Variants in GRIP1 observed in about 807,000 individuals in gnomAD.
GRIP1 encodes the protein glutamate receptor-interacting protein 1.
GRIP1 carries 45 observed loss-of-function variants against 129.9 expected under a neutral mutation model. The observed-to-expected ratio is 0.35, with a 90% CI of 0.27 to 0.44. GRIP1 has a LOEUF of 0.44. Among genes scored for constraint, GRIP1 ranks in the 20% least tolerant of loss-of-function variants. The pLI, the probability that GRIP1 is intolerant of heterozygous loss-of-function variation, is 1.00. For missense variants in GRIP1, 1,196 were observed against 1,396.8 expected, an observed-to-expected ratio of 0.86 and a Z score of 2.29; for synonymous variants, 530 against 520.8, an observed-to-expected ratio of 1.02 and a Z score of -0.24.
Position 66,963,146 on chromosome 12 carries a change from C to A in GRIP1, c.58+105904G>T, listed in dbSNP as rs567441014. Reference sequence around the variant, plus strand: ...GCAACATGGTGGGACCCCACCTCCACAAACAAACAAAAAAAAACATTAGCC... The same window carrying A: ...GCAACATGGTGGGACCCCACCTCCAAAAACAAACAAAAAAAAACATTAGCC... On this transcript the variant is annotated intron_variant, in intron 1 of 1. Transcript: ENST00000643019. Among the ~76,000 whole-genome samples the A allele has an allele frequency of 4.6e-5, 7 of 151,674 alleles. No homozygotes were observed. In the South Asian group the frequency reaches 1.0e-3, roughly 23 times the overall value.
intron 1 of GRIP1, among the ~76,000 whole-genome samples, chr12:66,893,588 T>C (rs1031186458): frequency 1.3e-5 from 2 of 152,206 alleles, no homozygotes; most frequent in Non-Finnish European, 2.9e-5. Flanking sequence ...AAAGTTTGTT[T>C]TTCCATTTAC....
chr12:66,656,392 T>G (rs1458484153), intron 1 of GRIP1, among the ~76,000 whole-genome samples: 1 of 152,102 alleles, frequency 6.6e-6, no homozygotes, highest in African/African-American at 2.4e-5. Context: ...TCTAAATATC[T>G]GACAACACCT....
chr12:66,440,376 C>T (rs541480277), intron 13 of GRIP1, among the ~76,000 whole-genome samples: 12 of 152,124 alleles, frequency 7.9e-5, no homozygotes, highest in African/African-American at 2.4e-4. Context: ...ACTTCAGTCA[C>T]CCTGTTGTGC....
chr12:66,480,345 A>G (rs1006687503), intron 7 of GRIP1, among the ~76,000 whole-genome samples: 2 of 152,206 alleles, frequency 1.3e-5, no homozygotes, highest in African/African-American at 4.8e-5. Flanking sequence ...ATAGGAATAC[A>G]ACTTACAAGG....
At chr12:67,037,023 G>A (rs1278713016) in intron 1 of GRIP1, among the ~76,000 whole-genome samples, 1 of 152,058 alleles carries the variant, frequency 6.6e-6, no homozygotes, top group African/African-American at 2.4e-5. Context: ...CTGCACCAAT[G>A]ATCTCTGAAT....
chr12:66,520,626 TACAC>T (rs1403478381), intron 5 of GRIP1, among the ~76,000 whole-genome samples: 1 of 152,226 alleles, frequency 6.6e-6, no homozygotes, highest in African/African-American at 2.4e-5. Context: ...CTCCTGGATA[TACAC>T]ACAGATAGTG....
At chr12:66,738,795 G>A (rs185881053) in intron 1 of GRIP1, among the ~76,000 whole-genome samples, 10 of 152,276 alleles carry the variant, frequency 6.6e-5, no homozygotes, top group Admixed American at 2.0e-4. Flanking sequence ...GAATAAAGGC[G>A]ACTCATAAAT....
At chr12:66,501,669 C>T (rs1052440457) in intron 7 of GRIP1, among the ~76,000 whole-genome samples, 4 of 152,096 alleles carry the variant, frequency 2.6e-5, no homozygotes, top group African/African-American at 9.7e-5. Flanking sequence ...AAAGAGAGAT[C>T]GCCTCCCCTG....
At chr12:66,847,233 T>C (rs2039834016) in intron 1 of GRIP1, among the ~76,000 whole-genome samples, 1 of 152,208 alleles carries the variant, frequency 6.6e-6, no homozygotes, top group Non-Finnish European at 1.5e-5. Context: ...CCTTCACCCC[T>C]GCTTCAAATC....
intron 1 of GRIP1, among the ~76,000 whole-genome samples, chr12:67,015,140 G>A (rs550450033): frequency 2.6e-5 from 4 of 152,216 alleles, no homozygotes; most frequent in African/African-American, 9.6e-5. Context: ...CGAGGAAGAC[G>A]TGCACATACA....
chr12:66,399,941 G>A lies in GRIP1; in HGVS notation c.1985-5589C>T, dbSNP rs1179731398. ...TCTACAGCTCCCTTACTGCTGCACG[G>A]TCATTTTACATAGATATGTCACAAT... On this transcript the variant is annotated intron_variant, in intron 16 of 24. Transcript: ENST00000359742. Among the ~76,000 whole-genome samples the A allele has an allele frequency of 3.3e-5, 5 of 152,038 alleles. No homozygotes were observed. In the East Asian group the frequency reaches 9.6e-4, roughly 29 times the overall value.
intron 1 of GRIP1, among the ~76,000 whole-genome samples, chr12:66,790,697 T>C (rs974654153): frequency 2.0e-5 from 3 of 152,052 alleles, no homozygotes; most frequent in Admixed American, 6.6e-5. Flanking sequence ...GGGAACATAT[T>C]TGGGTAGGAG....
intron 1 of GRIP1, among the ~76,000 whole-genome samples, chr12:66,943,358 C>T (rs910155810): frequency 2.0e-5 from 3 of 152,084 alleles, no homozygotes; most frequent in Admixed American, 6.6e-5. Context: ...AGAGAGAGCA[C>T]GGTCAAGGAA....
At chr12:66,863,863 T>C (rs1168753987) in intron 1 of GRIP1, among the ~76,000 whole-genome samples, 1 of 152,102 alleles carries the variant, frequency 6.6e-6, no homozygotes, top group Non-Finnish European at 1.5e-5. Flanking sequence ...CACAGACCCA[T>C]AGCAGTTCTC....
intron 15 of GRIP1, among the ~76,000 whole-genome samples, chr12:66,414,932 TATAAAATAAA>T (rs56917803): frequency 0.063 from 7,678 of 121,918 alleles, 349 homozygotes; most frequent in East Asian, 0.15. Context: ...TTACACCTTA[TATAAAATAAA>T]ATAAAATAAA....
chr12:66,894,467 A>G (rs1338160637), intron 1 of GRIP1, among the ~76,000 whole-genome samples: 1 of 152,144 alleles, frequency 6.6e-6, no homozygotes, highest in Non-Finnish European at 1.5e-5. Context: ...TTATAGTTTG[A>G]TACACTTTTT....
intron 23 of GRIP1, among the ~76,000 whole-genome samples, chr12:66,366,473 AG>A (rs772939849): frequency 4.4e-4 from 67 of 152,228 alleles, no homozygotes; most frequent in African/African-American, 4.8e-5. Flanking sequence ...TGGTAGCAAA[AG>A]CAGCTGTGAA....
Position 66,531,255 on chromosome 12 carries a change from ATATATATATATATATAT to A in GRIP1, c.419-1358_419-1342del, listed in dbSNP as rs2061450372. Reference sequence around the variant, plus strand: ...TGTCTCAAAAAAAAAAAAAAAAAATATATATATATATATATATATATATATATATATATATATATATA... The same window carrying A: ...TGTCTCAAAAAAAAAAAAAAAAAATAATATATATATATATATATATATATA... On this transcript the variant is annotated intron_variant, in intron 4 of 24. Coordinates refer to ENST00000359742, the MANE Select transcript of GRIP1 (RefSeq NM_001366722.1). Among the ~76,000 whole-genome samples the A allele has an allele frequency of 5.2e-3, 25 of 4,818 alleles. 2 individuals are homozygous for A. Among genetic ancestry groups the A allele is most frequent in the Admixed American group, 0.031 (9 of 288 alleles). The allele number at this position is 4,818 out of a possible 152,430, so 3.2% of individuals were successfully genotyped here.
At chr12:67,018,022 G>A (rs1205103339) in intron 1 of GRIP1, among the ~76,000 whole-genome samples, 1 of 152,172 alleles carries the variant, frequency 6.6e-6, no homozygotes, top group African/African-American at 2.4e-5. Context: ...CTGAAATACT[G>A]AGTGAGTTAA....
Sources: allele counts gnomAD v4.1 joint callset (sites outside exome capture counted in the v4.1 genomes callset), GRCh38; gene constraint gnomAD v4.1.1; transcripts MANE v1.5; gene names NCBI Gene and HGNC (gene_info 2026-07-23, HGNC 2026-07-21).